Variants in ANXA4 observed in about 807,000 individuals in gnomAD.
ANXA4 encodes 35-beta calcimedin.
ANXA4 carries 39 observed loss-of-function variants against 49.8 expected under a neutral mutation model. The ratio of observed to expected loss-of-function variants is 0.78; its 90% CI spans 0.61 to 1.02. The LOEUF (loss-of-function observed/expected upper bound fraction) is 1.02. ANXA4 is among the 50% of genes least tolerant of loss of function. ANXA4 has a pLI of 0.00. For missense variants in ANXA4, 360 were observed against 410.1 expected, an observed-to-expected ratio of 0.88 and a Z score of 1.05; for synonymous variants, 134 against 152.5, an observed-to-expected ratio of 0.88 and a Z score of 0.89.
At chr2:69,789,578 A>G (rs1444092544) in intron 3 of ANXA4, among the ~76,000 whole-genome samples, 1 of 152,086 alleles carries the variant, frequency 6.6e-6, no homozygotes, top group Non-Finnish European at 1.5e-5. Flanking sequence ...AGGCAAAAGA[A>G]AAGAACAGCT....
At chr2:69,759,978 G>T (rs1671212413) in intron 1 of ANXA4, among the ~76,000 whole-genome samples, 1 of 152,026 alleles carries the variant, frequency 6.6e-6, no homozygotes, top group African/African-American at 2.4e-5. Context: ...GACTACAGGT[G>T]CCCGCCACCA....
At chr2:69,763,749 G>A (rs918926239) in intron 1 of ANXA4, among the ~76,000 whole-genome samples, 2 of 148,216 alleles carry the variant, frequency 1.3e-5, no homozygotes, top group African/African-American at 2.5e-5. Flanking sequence ...TGCAACCTCC[G>A]CCTCCTGGGT....
chr2:69,814,741 G>A lies in ANXA4; in HGVS notation c.535-1360G>A, dbSNP rs891014499. 1.1e-4 allele frequency: 14 copies of A among 128,624 alleles called. No homozygotes were observed. In the Admixed American group the frequency reaches 1.3e-3, roughly 12 times the overall value. The allele number at this position is 128,624 out of a possible 1,614,324, so 8.0% of individuals were successfully genotyped here. A position where few individuals can be genotyped will look rare whatever the true frequency, so the allele number is the denominator to read the frequency against. On this transcript the variant is annotated intron_variant, in intron 8 of 12. Transcript: ENST00000394295. ...AGAGAGAGAGCGAGAGAGACACAGA[G>A]GGGTGTGTGTGTGTGTGTGTGTGTG...
At chr2:69,698,062 G>T (rs1197834363) in intron 2 of ANXA4, among the ~76,000 whole-genome samples, 1 of 151,980 alleles carries the variant, frequency 6.6e-6, no homozygotes, top group African/African-American at 2.4e-5. Context: ...TGGAGGCCGA[G>T]AAGTCCAGGA....
At chr2:69,653,668 T>C (rs906446656) in intron 2 of ANXA4, among the ~76,000 whole-genome samples, 8 of 152,216 alleles carry the variant, frequency 5.3e-5, no homozygotes, top group African/African-American at 1.7e-4. Flanking sequence ...CCCTCTTGCC[T>C]AAGCTGAGAA....
At chr2:69,671,062 A>G (rs921374293) in intron 2 of ANXA4, among the ~76,000 whole-genome samples, 1 of 151,020 alleles carries the variant, frequency 6.6e-6, no homozygotes, top group Admixed American at 6.6e-5. Flanking sequence ...AGGGAATACC[A>G]TCAATAATCA....
At chr2:69,734,798 T>C (rs1165902505) in intron 3 of ANXA4, among the ~76,000 whole-genome samples, 1 of 152,214 alleles carries the variant, frequency 6.6e-6, no homozygotes, top group African/African-American at 2.4e-5. Context: ...GTTTTTGAGA[T>C]AGGAGGGGCC....
At chr2:69,718,846 A>G (rs922843029) in intron 2 of ANXA4, among the ~76,000 whole-genome samples, 7 of 152,072 alleles carry the variant, frequency 4.6e-5, no homozygotes, top group African/African-American at 1.7e-4. Context: ...ACATGCACAC[A>G]CATACATGCA....
chr2:69,705,421 T>C lies in ANXA4; in HGVS notation n.767-15353T>C, dbSNP rs531618674. 9.8e-5 allele frequency among the ~76,000 whole-genome samples: 15 copies of C among 152,374 alleles called. No individual in the cohort carries two copies. In the South Asian group the frequency reaches 3.1e-3, roughly 32 times the overall value. ...TTCTACAATGAATATGTGCTGCTTA[T>C]ATAATCAAATCATTGGTTTGTTGGC... On this transcript the variant is annotated intron_variant and non_coding_transcript_variant, in intron 2 of 3. Transcript: ENST00000418066.
In ANXA4 at chr2:69,806,464, T is replaced by C; in HGVS notation, c.272T>C (p.Leu91Pro). ...GTGGGGATGATGACGCCCACGGTGCTGTATGACGTGCAAGAGCTGCGAAGG... is the reference window on the plus strand; with the variant it reads ...GTGGGGATGATGACGCCCACGGTGCCGTATGACGTGCAAGAGCTGCGAAGG... ...VIVGMMTPTV[L>P]YDVQELRRAM... The change falls in exon 5 of 13, where the codon CTG becomes CCG. Residue 91 changes from leucine to proline, a missense_variant. Physicochemically the swap from Leu to Pro is moderately conservative, Grantham distance 98. Coordinates refer to ENST00000394295, the MANE Select transcript of ANXA4 (RefSeq NM_001153.5). 6.2e-7 allele frequency: 1 copy of C among 1,614,128 alleles called. No homozygotes were observed. Among genetic ancestry groups the C allele is most frequent in the African/African-American group, 1.3e-5 (1 of 75,032 alleles).
rs1676452869 is a variant in ANXA4, at chr2:69,656,267, ATG to A, written n.766+2987_766+2988del. On this transcript the variant is annotated intron_variant and non_coding_transcript_variant, in intron 2 of 3. Coordinates refer to the ANXA4 transcript ENST00000418066. Reference sequence around the variant, plus strand: ...TATATATATGTATATACGTATATATATGTATATACGTATATATATACATATAT... The same window carrying A: ...TATATATATGTATATACGTATATATATATATACGTATATATATACATATAT... 2.2e-5 allele frequency among the ~76,000 whole-genome samples: 3 copies of A among 134,020 alleles called. No homozygotes were observed. The East Asian group carries it at 8.9e-4, about 40-fold the overall frequency. The allele number at this position is 134,020 out of a possible 152,430, so 87.9% of individuals were successfully genotyped here.
At chr2:69,662,352 C>T (rs1409852223) in intron 2 of ANXA4, among the ~76,000 whole-genome samples, 2 of 151,500 alleles carry the variant, frequency 1.3e-5, no homozygotes, top group Non-Finnish European at 2.9e-5. Flanking sequence ...AGCTGTTGAA[C>T]ATTATTTCTG....
chr2:69,797,177 TTAC>T (rs1672982456), intron 3 of ANXA4, among the ~76,000 whole-genome samples: 1 of 152,152 alleles, frequency 6.6e-6, no homozygotes, highest in Non-Finnish European at 1.5e-5. Flanking sequence ...AGATGGCTTG[TTAC>T]CCATCTGCAA....
intron 3 of ANXA4, among the ~76,000 whole-genome samples, chr2:69,800,236 T>C (rs923149606): frequency 2.0e-5 from 3 of 152,234 alleles, no homozygotes; most frequent in Admixed American, 2.0e-4. Context: ...TTCTTTTCCC[T>C]TTTTCATAAA....
At position 69,810,589 on chromosome 2, in the gene ANXA4, G is replaced by A. The variant is rs986030909; in HGVS notation, c.398-5G>A. ...CTGAAGTAGCTAATTTCACTCTCTT[G>A]CTAGAATATGGACGGAGCCTTGAAG... On this transcript the variant is annotated splice_region_variant and splice_polypyrimidine_tract_variant and intron_variant, in intron 6 of 12. Transcript: ENST00000394295. 6.8e-6 allele frequency: 11 copies of A among 1,613,338 alleles called. No individual in the cohort carries two copies. In the African/African-American group the frequency reaches 1.2e-4, roughly 18 times the overall value.
At chr2:69,695,474 T>C (rs985365088) in intron 2 of ANXA4, among the ~76,000 whole-genome samples, 2 of 152,138 alleles carry the variant, frequency 1.3e-5, no homozygotes, top group African/African-American at 4.8e-5. Flanking sequence ...AAAAAGAAGT[T>C]GTGGAAAGTG....
chr2:69,820,691 T>C lies in ANXA4; in HGVS notation c.784-8T>C, dbSNP rs1313794603. ...TTGTATATGTTTGGATTTCGTTTTC[T>C]TCCTTAGGGCTTGGGCACCGATGAT... On this transcript the variant is annotated splice_polypyrimidine_tract_variant and splice_region_variant and intron_variant, in intron 11 of 12. Coordinates refer to ENST00000394295, the MANE Select transcript of ANXA4 (RefSeq NM_001153.5). 1 of 1,612,690 alleles carries C rather than the reference T, an allele frequency of 6.2e-7. No individual in the cohort carries two copies. The highest frequency in any genetic ancestry group is 8.5e-7 in the Non-Finnish European group (1 of 1,179,652).
upstream of ANXA4, among the ~76,000 whole-genome samples, chr2:69,741,794 C>T (rs1415074118): frequency 1.3e-5 from 2 of 152,172 alleles, no homozygotes; most frequent in Non-Finnish European, 2.9e-5. Flanking sequence ...GCCCGGGAAA[C>T]GGGACCCCAA....
intron 1 of ANXA4, among the ~76,000 whole-genome samples, chr2:69,762,508 G>C (rs1303298272): frequency 8.5e-5 from 13 of 152,212 alleles, no homozygotes; most frequent in Admixed American, 6.5e-4. Context: ...CTAATTCCCA[G>C]TTGCTAGCTG....
Sources: gnomAD v4.1 joint callset for allele counts (sites outside exome capture counted in the v4.1 genomes callset) on GRCh38, gnomAD v4.1.1 for gene constraint, MANE v1.5 for transcripts, NCBI Gene and HGNC (gene_info 2026-07-23, HGNC 2026-07-21) for gene names.